DRC11: variants seen among roughly 807,000 people sequenced by gnomAD.
The protein encoded by DRC11 is dynein regulatory complex subunit 11.
the DRC11 span, among the ~76,000 whole-genome samples, chr2:236,383,225 A>G: frequency 1.3e-5 from 2 of 152,262 alleles, no homozygotes; most frequent in Admixed American, 1.3e-4. Flanking sequence ...TAGGTTGTCC[A>G]ACTTATTAGC....
At chr2:236,491,166 T>A in the DRC11 span, among the ~76,000 whole-genome samples, 29 of 77,330 alleles carry the variant, frequency 3.8e-4, no homozygotes, top group African/African-American at 1.7e-3. Context: ...ACAGTATATA[T>A]ATATATATAT....
chr2:236,462,272 T>TGGGTGGCCAGTGCCTGGGGAC, the DRC11 span, among the ~76,000 whole-genome samples: 41 of 151,962 alleles, frequency 2.7e-4, no homozygotes, highest in African/African-American at 9.9e-4. This position sits in a 1 kb window ranked among gnomAD's most constrained non-coding sequence, Gnocchi z 6.4. Context: ...GCTTGGATTG[T>TGGGTGGCCAGTGCCTGGGGAC]GGGTGGCCAG....
At chr2:236,444,490 C>A in the DRC11 span, among the ~76,000 whole-genome samples, 1 of 152,134 alleles carries the variant, frequency 6.6e-6, no homozygotes, top group African/African-American at 2.4e-5. Context: ...TCTTGAAGGC[C>A]CCCAGGGGTC....
chr2:236,401,969 C>G, the DRC11 span, among the ~76,000 whole-genome samples: 1 of 152,194 alleles, frequency 6.6e-6, no homozygotes, highest in African/African-American at 2.4e-5. The surrounding 1 kb of genome is among the most constrained non-coding windows in gnomAD (Gnocchi z 4.6). Context: ...TGAGGTGAAA[C>G]CATAGTGGAT....
chr2:236,409,694 A>G, the DRC11 span, among the ~76,000 whole-genome samples: 24 of 151,976 alleles, frequency 1.6e-4, no homozygotes, highest in Admixed American at 5.9e-4. Context: ...GCCCGTTTTC[A>G]AAGGGAATGC....
chr2:236,474,864 C>T, the DRC11 span, among the ~76,000 whole-genome samples: 1 of 151,946 alleles, frequency 6.6e-6, no homozygotes, highest in African/African-American at 2.4e-5. Flanking sequence ...AATAGATATA[C>T]ATATTTTCAG....
chr2:236,328,005 C>A, the DRC11 span, among the ~76,000 whole-genome samples: 2 of 152,080 alleles, frequency 1.3e-5, no homozygotes, highest in Admixed American at 1.3e-4. The surrounding 1 kb of genome is among the most constrained non-coding windows in gnomAD (Gnocchi z 6.7). Context: ...GGTTCTTTTT[C>A]AAATTTTCCT....
chr2:236,496,697 G>A, the DRC11 span, among the ~76,000 whole-genome samples: 2 of 152,216 alleles, frequency 1.3e-5, no homozygotes, highest in African/African-American at 2.4e-5. The surrounding 1 kb of genome is among the most constrained non-coding windows in gnomAD (Gnocchi z 6.3). Flanking sequence ...TGCCATGTAA[G>A]CCATACATTC....
chr2:236,362,263 T>G, the DRC11 span, among the ~76,000 whole-genome samples: 5 of 152,230 alleles, frequency 3.3e-5, no homozygotes, highest in Non-Finnish European at 7.4e-5. This position sits in a 1 kb window ranked among gnomAD's most constrained non-coding sequence, Gnocchi z 5.7. Flanking sequence ...AAAGGTACAG[T>G]TGACCCTTAA....
chr2:236,309,813 C>T, the DRC11 span, among the ~76,000 whole-genome samples: 1 of 152,188 alleles, frequency 6.6e-6, no homozygotes, highest in Non-Finnish European at 1.5e-5. This position sits in a 1 kb window ranked among gnomAD's most constrained non-coding sequence, Gnocchi z 5.7. Flanking sequence ...CGACGGTCCA[C>T]CTCCTCATCC....
chr2:236,439,130 T>C, the DRC11 span, among the ~76,000 whole-genome samples: 1,017 of 149,982 alleles, frequency 6.8e-3, 7 homozygotes, highest in African/African-American at 0.024. Flanking sequence ...AGATCCAAAA[T>C]TGACACCCTA....
chr2:236,442,942 A>G, the DRC11 span, among the ~76,000 whole-genome samples: 189 of 152,254 alleles, frequency 1.2e-3, 2 homozygotes, highest in African/African-American at 4.3e-3. Flanking sequence ...TTGTTTTCTC[A>G]AGGGAAAGAT....
At chr2:236,504,197 G>A in the DRC11 span, among the ~76,000 whole-genome samples, 4 of 144,908 alleles carry the variant, frequency 2.8e-5, no homozygotes, top group Non-Finnish European at 4.4e-5. The surrounding 1 kb of genome is among the most constrained non-coding windows in gnomAD (Gnocchi z 5.0). Context: ...ATTACACGGC[G>A]GTGGGGGGGG....
the DRC11 span, among the ~76,000 whole-genome samples, chr2:236,313,287 G>T: frequency 7.0e-6 from 1 of 143,558 alleles, no homozygotes; most frequent in Non-Finnish European, 1.5e-5. This position sits in a 1 kb window ranked among gnomAD's most constrained non-coding sequence, Gnocchi z 4.5. Flanking sequence ...AAAATAAAAT[G>T]ATATACCAAA....
the DRC11 span, among the ~76,000 whole-genome samples, chr2:236,472,396 A>G: frequency 6.6e-6 from 1 of 152,200 alleles, no homozygotes; most frequent in Non-Finnish European, 1.5e-5. This position sits in a 1 kb window ranked among gnomAD's most constrained non-coding sequence, Gnocchi z 4.6. Flanking sequence ...GCTTTACAGG[A>G]TCATATTTTT....
the DRC11 span, chr2:236,507,199 C>T: frequency 1.3e-6 from 2 of 1,581,322 alleles, no homozygotes; most frequent in Admixed American, 3.4e-5. Flanking sequence ...AGAAAGCAAG[C>T]CACCTTCTGG....
chr2:236,357,198 A>C, the DRC11 span, among the ~76,000 whole-genome samples: 852 of 109,110 alleles, frequency 7.8e-3, 24 homozygotes, highest in African/African-American at 0.03. Flanking sequence ...TATATATTAT[A>C]AATTATATTC....
At chr2:236,388,003 CGCTTGTAGGGT>C in the DRC11 span, among the ~76,000 whole-genome samples, 3 of 152,132 alleles carry the variant, frequency 2.0e-5, no homozygotes, top group African/African-American at 4.8e-5. Context: ...ACTCTCTTCT[CGCTTGTAGGGT>C]TTCTGCCGAG....
chr2:236,480,518 C>T, the DRC11 span, among the ~76,000 whole-genome samples: 1 of 152,056 alleles, frequency 6.6e-6, no homozygotes, highest in South Asian at 2.1e-4. Flanking sequence ...TTAAGAACCT[C>T]TAATGTATTT....
Sources: allele counts gnomAD v4.1 joint callset (sites outside exome capture counted in the v4.1 genomes callset), GRCh38; gene constraint gnomAD v4.1.1; non-coding constraint Gnocchi (gnomAD v3.1); transcripts MANE v1.5; gene names NCBI Gene and HGNC (gene_info 2026-07-23, HGNC 2026-07-21).